SCFD2: variants seen among roughly 807,000 people sequenced by gnomAD.
SCFD2 encodes the protein sec1 family domain containing 2.
SCFD2 carries 54 observed loss-of-function variants against 58.9 expected under a neutral mutation model. That is an observed-to-expected ratio of 0.92 (90% CI 0.74 to 1.15). The LOEUF (loss-of-function observed/expected upper bound fraction) is 1.15. Among genes scored for constraint, SCFD2 ranks in the 50% most tolerant of loss-of-function variants. SCFD2 has a pLI of 0.00. For missense variants in SCFD2, 805 were observed against 836.6 expected (o/e 0.96, Z 0.47); for synonymous variants, 321 against 335.9 (o/e 0.96, Z 0.49).
At chr4:53,012,068 T>TA (rs1389894614) in intron 5 of SCFD2, among the ~76,000 whole-genome samples, 9 of 149,012 alleles carry the variant, frequency 6.0e-5, no homozygotes, top group Non-Finnish European at 1.2e-4. Context: ...TCCATCCCCC[T>TA]ACTCCCTGCC....
At chr4:53,098,345 CTGGACTTTTTT>C (rs1340012169) in intron 5 of SCFD2, among the ~76,000 whole-genome samples, 1 of 152,130 alleles carries the variant, frequency 6.6e-6, no homozygotes, top group Non-Finnish European at 1.5e-5. Context: ...CCGTCAGGTC[CTGGACTTTTTT>C]TGGTTGGTAG....
intron 2 of SCFD2, among the ~76,000 whole-genome samples, chr4:53,340,378 G>C (rs1733825844): frequency 6.6e-6 from 1 of 152,198 alleles, no homozygotes. Flanking sequence ...ACAGCAGTCT[G>C]AGATCAAACT....
At chr4:53,301,461 G>A (rs1468571780) in intron 3 of SCFD2, among the ~76,000 whole-genome samples, 1 of 151,736 alleles carries the variant, frequency 6.6e-6, no homozygotes, top group African/African-American at 2.4e-5. Context: ...ATAATTAATA[G>A]CTTACCAACC....
chr4:53,131,052 A>G (rs1180140181), intron 5 of SCFD2, among the ~76,000 whole-genome samples: 1 of 152,222 alleles, frequency 6.6e-6, no homozygotes, highest in African/African-American at 2.4e-5. Flanking sequence ...AATAACTGTA[A>G]TGATCCAAGT....
intron 2 of SCFD2, among the ~76,000 whole-genome samples, chr4:53,325,007 C>A (rs1335363306): frequency 6.6e-6 from 1 of 152,116 alleles, no homozygotes; most frequent in Non-Finnish European, 1.5e-5. Flanking sequence ...CTTGCCTCAC[C>A]AAGAGAAGAT....
At chr4:53,042,891 G>C (rs1167359189) in intron 5 of SCFD2, among the ~76,000 whole-genome samples, 1 of 151,982 alleles carries the variant, frequency 6.6e-6, no homozygotes, top group Non-Finnish European at 1.5e-5. Flanking sequence ...TTGTCTTGGG[G>C]CAAGGTTGGG....
intron 5 of SCFD2, among the ~76,000 whole-genome samples, chr4:53,076,814 T>C (rs1189302825): frequency 6.6e-6 from 1 of 152,190 alleles, no homozygotes; most frequent in African/African-American, 2.4e-5. Flanking sequence ...CACGGGCTGC[T>C]TCCCCTTCCC....
At chr4:53,169,662 A>T (rs956434127) in intron 4 of SCFD2, among the ~76,000 whole-genome samples, 1 of 152,248 alleles carries the variant, frequency 6.6e-6, no homozygotes, top group African/African-American at 2.4e-5. Context: ...TCCCATCAAC[A>T]GTGCGTACAG....
Position 53,333,401 on chromosome 4 carries a change from G to C in SCFD2, c.1007+19197C>G, listed in dbSNP as rs1189910181. Among the ~76,000 whole-genome samples the C allele has an allele frequency of 1.2e-4, 16 of 135,760 alleles. No homozygotes were observed. The East Asian group carries it at 2.0e-3, about 17-fold the overall frequency. 89.1% of individuals were successfully genotyped at this position (135,760 alleles called of 152,430 possible). ...AGCATGGTACTGGTACCAAAACAGA[G>C]ATATAGATCAATGGAACAGAACAGA... On this transcript the variant is annotated intron_variant, in intron 2 of 8. Coordinates refer to ENST00000401642, the MANE Select transcript of SCFD2 (RefSeq NM_152540.4).
rs1266330126 is a variant in SCFD2, at chr4:53,228,840, T to C, written c.1311+44986A>G. On this transcript the variant is annotated intron_variant, in intron 4 of 8. Transcript: ENST00000401642. The stretch of plus-strand genomic sequence containing the variant: ...AAGAGGAATTCAAATTGTCCCTGTT[T>C]GCAGATGACATGATTGTATATCTAG... Among the ~76,000 whole-genome samples the C allele has an allele frequency of 2.0e-5, 3 of 152,350 alleles. No individual in the cohort carries two copies. In the East Asian group the frequency reaches 5.8e-4, roughly 29 times the overall value.
intron 4 of SCFD2, among the ~76,000 whole-genome samples, chr4:53,169,871 G>A (rs150427191): frequency 6.6e-4 from 101 of 152,128 alleles, no homozygotes; most frequent in African/African-American, 2.3e-3. Context: ...ATTCCCATTC[G>A]TTAATTGGAT....
chr4:53,223,225 T>C (rs1218459220), intron 4 of SCFD2, among the ~76,000 whole-genome samples: 1 of 152,244 alleles, frequency 6.6e-6, no homozygotes, highest in Admixed American at 6.5e-5. Flanking sequence ...CATATGTAAT[T>C]TATTACTTAG....
At chr4:52,968,154 T>C (rs965744833) in intron 5 of SCFD2, among the ~76,000 whole-genome samples, 1 of 152,206 alleles carries the variant, frequency 6.6e-6, no homozygotes, top group Non-Finnish European at 1.5e-5. Context: ...TGTTTGCTCA[T>C]TCCATTTCTA....
chr4:53,046,596 T>A (rs946222479), intron 5 of SCFD2, among the ~76,000 whole-genome samples: 15 of 152,068 alleles, frequency 9.9e-5, no homozygotes, highest in Non-Finnish European at 5.9e-5. Context: ...CTGGAAAATG[T>A]TGCAAAAGTA....
chr4:53,306,108 G>C (rs1213624861), intron 3 of SCFD2, among the ~76,000 whole-genome samples: 3 of 152,188 alleles, frequency 2.0e-5, no homozygotes, highest in Non-Finnish European at 4.4e-5. Flanking sequence ...TACAAACAAA[G>C]AGATGAGAGC....
rs1440084162 is a variant in SCFD2 at position 53,277,903 on chromosome 4, A to T, written c.1136-3902T>A. Among the ~76,000 whole-genome samples, 4 of 152,092 alleles carry T rather than the reference A, an allele frequency of 2.6e-5. No homozygotes were observed. In the South Asian group the frequency reaches 6.2e-4, roughly 24 times the overall value. On this transcript the variant is annotated intron_variant, in intron 3 of 8. Coordinates refer to ENST00000401642, the MANE Select transcript of SCFD2 (RefSeq NM_152540.4). ...CCGTCCCTACTAAAAATGCAAAAAA[A>T]TTAGTTGGGCTTGGTGGTGGGCGCC...
intron 2 of SCFD2, among the ~76,000 whole-genome samples, chr4:53,337,239 T>C (rs1356957686): frequency 6.6e-6 from 1 of 152,348 alleles, no homozygotes; most frequent in Non-Finnish European, 1.5e-5. Context: ...TGTGCATGCA[T>C]GTGTATGGTG....
chr4:53,354,114 A>G (rs1375698861), intron 1 of SCFD2, among the ~76,000 whole-genome samples: 1 of 152,230 alleles, frequency 6.6e-6, no homozygotes, highest in East Asian at 1.9e-4. Flanking sequence ...TCGATGGGAC[A>G]GGGTGCTGCG....
chr4:53,272,763 G>C (rs1404275214), intron 4 of SCFD2, among the ~76,000 whole-genome samples: 1 of 152,088 alleles, frequency 6.6e-6, no homozygotes, highest in African/African-American at 2.4e-5. Flanking sequence ...AATGACGTGA[G>C]TTAATGGGTG....
Sources: allele counts gnomAD v4.1 joint callset (sites outside exome capture counted in the v4.1 genomes callset), GRCh38; gene constraint gnomAD v4.1.1; transcripts MANE v1.5; gene names NCBI Gene and HGNC (gene_info 2026-07-23, HGNC 2026-07-21).